The following EML1 variants were observed in gnomAD, a reference collection of about 807,000 sequenced individuals.
EML1 encodes the protein EMAP like 1.
A neutral mutation model predicts 110.4 loss-of-function variants in EML1; 27 were observed. The observed-to-expected ratio is 0.24, with a 90% CI of 0.18 to 0.34. The LOEUF is 0.34. EML1 is among the 10% of genes least tolerant of loss of function. The probability of loss-of-function intolerance (pLI) is 1.00; values close to 1 mark genes in which losing one functional copy is unlikely to be tolerated. For synonymous variants in EML1, 344 were observed against 385.8 expected (o/e 0.89, Z 1.27); for missense variants, 741 against 1,030.9 (o/e 0.72, Z 3.85).
intron 1 of EML1, among the ~76,000 whole-genome samples, chr14:99,815,236 G>A (rs527495019): frequency 6.6e-6 from 1 of 151,418 alleles, no homozygotes; most frequent in South Asian, 2.1e-4. Context: ...CCACCTCCCG[G>A]GTTCACACTT....
chr14:99,920,060 A>G (rs2060104267), intron 16 of EML1, among the ~76,000 whole-genome samples: 1 of 152,328 alleles, frequency 6.6e-6, no homozygotes, highest in African/African-American at 2.4e-5. Context: ...AGGAGAGTTC[A>G]GTCATTCTGA....
chr14:99,890,925 T>C (rs1178738952), intron 4 of EML1, among the ~76,000 whole-genome samples: 1 of 152,204 alleles, frequency 6.6e-6, no homozygotes, highest in African/African-American at 2.4e-5. Flanking sequence ...ATTAATCACA[T>C]TTTTTCCTCC....
chr14:99,907,589 C>T, intron 9 of EML1, 49 bp from the exon 10 acceptor site: 1 of 1,517,490 alleles, frequency 6.6e-7, no homozygotes, highest in Non-Finnish European at 9.1e-7. Context: ...TCATGTTCAA[C>T]CCACTTTATT....
chr14:99,859,186 A>G (rs375568614), intron 2 of EML1, among the ~76,000 whole-genome samples: 22 of 152,338 alleles, frequency 1.4e-4, no homozygotes, highest in East Asian at 1.4e-3. Flanking sequence ...TTAATTATGA[A>G]TGTGTTTGGA....
At chr14:99,897,364 T>A (rs1160955185) in intron 7 of EML1, 70 bp downstream of exon 7, 28 of 1,462,272 alleles carry the variant, frequency 1.9e-5, no homozygotes, top group South Asian at 4.3e-5. Flanking sequence ...AGGCCAGGAG[T>A]TCCAGACCAT....
At chr14:99,913,158 G>A (rs1027687287) in intron 13 of EML1, among the ~76,000 whole-genome samples, 1 of 77,888 alleles carries the variant, frequency 1.3e-5, no homozygotes, top group African/African-American at 1.0e-4. Flanking sequence ...GTTGTATTAT[G>A]GCAGTGTTAT....
intron 17 of EML1, among the ~76,000 whole-genome samples, chr14:99,924,288 C>T (rs2060194352): frequency 6.6e-6 from 1 of 152,108 alleles, no homozygotes; most frequent in Non-Finnish European, 1.5e-5. Flanking sequence ...ATCTTATATC[C>T]TATGACCTTT....
At chr14:99,880,108 A>G (rs948105649) in intron 4 of EML1, among the ~76,000 whole-genome samples, 2 of 152,224 alleles carry the variant, frequency 1.3e-5, no homozygotes, top group Non-Finnish European at 2.9e-5. Flanking sequence ...TTTACTAATC[A>G]TGTTCCCAAA....
In EML1 at chr14:99,942,027, T is replaced by TATGA. The variant is rs1050451611; in HGVS notation, c.*1930_*1933dup. ...TCTTTATAATGATTAATCACTTTAT[T>TATGA]ATGAATGAATGAATGAATTTGATGG... On this transcript the variant is annotated 3_prime_UTR_variant, in exon 22 of 22. Coordinates refer to ENST00000262233, the MANE Select transcript of EML1 (RefSeq NM_004434.3). The TATGA allele has an allele frequency of 1.3e-5, 2 of 152,218 alleles. No homozygotes were observed. Among genetic ancestry groups the TATGA allele is most frequent in the African/African-American group, 4.8e-5 (2 of 41,452 alleles). 9.4% of individuals were successfully genotyped at this position (152,218 alleles called of 1,614,324 possible).
chr14:99,771,880 T>C (rs2057431755), upstream of EML1, among the ~76,000 whole-genome samples: 1 of 152,222 alleles, frequency 6.6e-6, no homozygotes, highest in African/African-American at 2.4e-5. Flanking sequence ...GTTGGTTCCT[T>C]TTCATATTTT....
chr14:99,842,044 A>G (rs929890295), intron 1 of EML1, among the ~76,000 whole-genome samples: 1 of 152,236 alleles, frequency 6.6e-6, no homozygotes, highest in Non-Finnish European at 1.5e-5. Flanking sequence ...TTGGGGGAAA[A>G]AAAGCTAAAG....
chr14:99,813,478 G>T (rs1403996464), intron 1 of EML1, among the ~76,000 whole-genome samples: 3 of 152,196 alleles, frequency 2.0e-5, no homozygotes, highest in Non-Finnish European at 4.4e-5. Context: ...ACTGTGGGAG[G>T]CCGAGGCAGA....
intron 13 of EML1, among the ~76,000 whole-genome samples, 189 bp from the exon 14 acceptor site, chr14:99,913,986 GGCCA>G (rs1174314861): frequency 5.1e-5 from 6 of 116,816 alleles, no homozygotes; most frequent in African/African-American, 1.1e-4. Flanking sequence ...CACCAAGCCT[GGCCA>G]GCTGTGGTAT....
Position 99,777,372 on chromosome 14 carries a change from G to C in EML1, c.-27+3359G>C, listed in dbSNP as rs147518596. 1.2e-3 allele frequency among the ~76,000 whole-genome samples: 178 copies of C among 152,154 alleles called. 2 individuals are homozygous for C. The highest frequency in any genetic ancestry group is 3.9e-3 in the African/African-American group (161 of 41,516). On this transcript the variant is annotated intron_variant, in intron 1 of 22. Coordinates refer to the EML1 transcript ENST00000327921. ...GGAAGCAGTTACCACTTCCAAATAT[G>C]TTACCCTTGCCTTTTGGTATGTCTT...
rs1475913351 is a variant in EML1 at position 99,925,276 on chromosome 14, T to C, written c.1909+4399T>C. Among the ~76,000 whole-genome samples the C allele has an allele frequency of 2.2e-5, 3 of 136,756 alleles. No individual in the cohort carries two copies. In the South Asian group the frequency reaches 6.8e-4, roughly 31 times the overall value. The allele number at this position is 136,756 out of a possible 152,430, so 89.7% of individuals were successfully genotyped here. ...CAAGTCTATTCAGATTTCTTTTTTC[T>C]TTTTTTTTTTTTTTTGCTCTGTCAC... is the stretch of plus-strand genomic sequence containing the variant. On this transcript the variant is annotated intron_variant, in intron 17 of 21. Coordinates refer to ENST00000262233, the MANE Select transcript of EML1 (RefSeq NM_004434.3).
rs566156703 is a variant in EML1, at chr14:99,737,837, C to T, written c.5C>T (p.Ser2Leu). 1.2e-5 allele frequency: 15 copies of T among 1,289,312 alleles called. No homozygotes were observed. The South Asian group carries it at 1.7e-4, about 15-fold the overall frequency. 79.9% of individuals were successfully genotyped at this position (1,289,312 alleles called of 1,614,324 possible). Residue 2 changes from serine to leucine, a missense_variant, in exon 1 of 11, where the codon TCG becomes TTG. Transcript: ENST00000554479. ...CGGCCGCCCATCTTCCACACCATGT[C>T]GGACGGCGAGGGCCCCTCCGCCGGT...
At chr14:99,865,800 TAGTTA>T (rs2059088009) in intron 3 of EML1, among the ~76,000 whole-genome samples, 154 bp downstream of exon 3, 1 of 152,266 alleles carries the variant, frequency 6.6e-6, no homozygotes, top group Admixed American at 6.5e-5. Context: ...TAACAAGAAC[TAGTTA>T]AGTTTATTAT....
At chr14:99,740,332 C>T (rs548465062) in intron 1 of EML1, among the ~76,000 whole-genome samples, 4 of 152,290 alleles carry the variant, frequency 2.6e-5, no homozygotes, top group South Asian at 4.1e-4. Flanking sequence ...CCCCTCTTCC[C>T]GGGAGTCCCA....
intron 4 of EML1, among the ~76,000 whole-genome samples, chr14:99,879,251 G>C: frequency 6.6e-6 from 1 of 152,200 alleles, no homozygotes. Context: ...CATTTTAGCA[G>C]CTTGTTTTGT....
Sources: allele counts gnomAD v4.1 joint callset (sites outside exome capture counted in the v4.1 genomes callset), GRCh38; gene constraint gnomAD v4.1.1; transcripts MANE v1.5; gene names NCBI Gene and HGNC (gene_info 2026-07-23, HGNC 2026-07-21).